Variants in THADA observed in about 807,000 individuals in gnomAD.
THADA encodes the protein tRNA (32-2'-O)-methyltransferase regulator THADA.
A neutral mutation model predicts 219.8 loss-of-function variants in THADA; 213 were observed. That is an observed-to-expected ratio of 0.97 (90% CI 0.87 to 1.09). The LOEUF is 1.09. Among genes scored for constraint, THADA ranks in the 50% least tolerant of loss-of-function variants. The pLI is 0.00. For synonymous variants in THADA, 1,018 were observed against 828.9 expected (o/e 1.23, Z -3.92); for missense variants, 2,956 against 2,311.3 (o/e 1.28, Z -5.72).
intron 26 of THADA, among the ~76,000 whole-genome samples, chr2:43,434,946 G>A (rs1558756659): frequency 6.6e-6 from 1 of 152,078 alleles, no homozygotes; most frequent in African/African-American, 2.4e-5. Flanking sequence ...TTCACCCCTC[G>A]ACACTGCTGT....
chr2:43,475,131 AGACGGCTG>A (rs1685356915), intron 26 of THADA, among the ~76,000 whole-genome samples: 1 of 152,100 alleles, frequency 6.6e-6, no homozygotes, highest in Non-Finnish European at 1.5e-5. Flanking sequence ...AAATTTAGAA[AGACGGCTG>A]GGCATGGTGG....
intron 31 of THADA, among the ~76,000 whole-genome samples, chr2:43,302,819 A>G: frequency 6.6e-6 from 1 of 152,190 alleles, no homozygotes; most frequent in East Asian, 1.9e-4. Context: ...TGGGAGGCTG[A>G]GGCAGGAGGA....
chr2:43,368,086 C>A (rs922269385), intron 29 of THADA, among the ~76,000 whole-genome samples: 6 of 152,168 alleles, frequency 3.9e-5, no homozygotes. Flanking sequence ...CCATTGCACT[C>A]CAGCCTGGGC....
chr2:43,571,653 G>A (rs11884742), intron 13 of THADA, 54 bp downstream of exon 13: 472,260 of 1,548,206 alleles, frequency 0.31, 73,457 homozygotes, highest in South Asian at 0.4. Context: ...TTTTAAAAAC[G>A]ATTTCCCAAA....
chr2:43,477,306 A>C (rs1224824793), intron 26 of THADA, among the ~76,000 whole-genome samples: 1 of 152,096 alleles, frequency 6.6e-6, no homozygotes, highest in African/African-American at 2.4e-5. Context: ...AATTTAGGGA[A>C]ATGCTCATAC....
chr2:43,514,694 T>TA lies in THADA; in HGVS notation c.3375-5915dup, dbSNP rs1360168268. On this transcript the variant is annotated intron_variant, in intron 22 of 37. Coordinates refer to ENST00000405975, the MANE Select transcript of THADA (RefSeq NM_022065.5). ...ATATAATATATTATATTATATATAA[T>TA]ATATATAATATATATATAAATATAT... 2.4e-3 allele frequency among the ~76,000 whole-genome samples: 173 copies of TA among 71,592 alleles called. 28 individuals carry two copies. The highest frequency in any genetic ancestry group is 9.6e-3 in the African/African-American group (147 of 15,340). The allele number at this position is 71,592 out of a possible 152,430, so 47.0% of individuals were successfully genotyped here.
At chr2:43,452,904 C>G (rs1194310898) in intron 26 of THADA, among the ~76,000 whole-genome samples, 1 of 152,160 alleles carries the variant, frequency 6.6e-6, no homozygotes, top group African/African-American at 2.4e-5. Flanking sequence ...ACTAGAATAT[C>G]CCTTACTACC....
intron 26 of THADA, among the ~76,000 whole-genome samples, chr2:43,464,114 G>C (rs1033946316): frequency 2.0e-5 from 3 of 152,054 alleles, no homozygotes; most frequent in South Asian, 2.1e-4. Context: ...ATCCACTTTT[G>C]TATGCAACAG....
chr2:43,476,803 G>C (rs565650648), intron 26 of THADA, among the ~76,000 whole-genome samples: 34 of 152,182 alleles, frequency 2.2e-4, no homozygotes, highest in Non-Finnish European at 3.7e-4. Flanking sequence ...CTGTATTATA[G>C]GCACTATCTT....
At chr2:43,312,902 C>T (rs1677672791) in intron 31 of THADA, among the ~76,000 whole-genome samples, 2 of 151,820 alleles carry the variant, frequency 1.3e-5, no homozygotes, top group Non-Finnish European at 2.9e-5. Context: ...AGTGCATGAC[C>T]GAGGAACAGA....
At position 43,556,423 on chromosome 2, in the gene THADA, A is replaced by G. The variant is rs373036685; in HGVS notation, c.2596T>C (p.Ser866Pro). The G allele has an allele frequency of 1.0e-4, 167 of 1,613,902 alleles. No individual in the cohort carries two copies. The African/African-American group carries it at 2.1e-3, about 20-fold the overall frequency. ...IWQDALPSSL[S>P]AYLTQQVACD... ...GCAACTTGCTGAGTTAAGTAGGCAG[A>G]CAAGGATGACGGTAGAGCATCCTGC... The change falls in exon 17 of 38, where the codon TCT (serine) becomes CCT (proline). Residue 866 changes from serine (S) to proline (P), a missense_variant. Physicochemically the swap from Ser to Pro is moderately conservative, Grantham distance 74 (BLOSUM62 -1). Transcript: ENST00000405975.
chr2:43,383,367 G>T (rs149779803), intron 29 of THADA, among the ~76,000 whole-genome samples: 64 of 152,210 alleles, frequency 4.2e-4, no homozygotes, highest in African/African-American at 1.4e-3. Context: ...AAAGAATTAC[G>T]TGACAGCTAG....
intron 15 of THADA, among the ~76,000 whole-genome samples, chr2:43,561,498 T>C (rs958930283): frequency 2.0e-5 from 3 of 152,194 alleles, no homozygotes; most frequent in Admixed American, 6.5e-5. Context: ...ACAGGTTTCA[T>C]GGCAAAATGT....
At chr2:43,574,311 TA>T in intron 11 of THADA, 24 bp downstream of exon 11, 1 of 1,476,796 alleles carries the variant, frequency 6.8e-7, no homozygotes, top group Non-Finnish European at 9.0e-7. Flanking sequence ...TAGAAACTAC[TA>T]AAACAAAAAT....
At chr2:43,272,665 C>G (rs536123426) in intron 36 of THADA, among the ~76,000 whole-genome samples, 75 of 145,736 alleles carry the variant, frequency 5.1e-4, no homozygotes, top group African/African-American at 1.8e-3. Flanking sequence ...CACTCTGTCA[C>G]CTAGGCTGGA....
In THADA at chr2:43,570,414, G is replaced by A; in HGVS notation, c.2161C>T (p.Pro721Ser). 6.2e-7 allele frequency: 1 copy of A among 1,612,810 alleles called. No homozygotes were observed. The highest frequency in any genetic ancestry group is 1.1e-5 in the South Asian group (1 of 90,836). ...TTATACTGCTGTAAAGAAACAGAAG[G>A]GTGCTGTTTGGTTAACTCATTCTCT... ...EPENELTKQH[P>S]SVSLQQYKNF... Residue 721 changes from proline to serine, a missense_variant, in exon 14 of 38, where the codon CCT becomes TCT. Transcript: ENST00000405975.
At chr2:43,360,252 C>T (rs1331699697) in intron 29 of THADA, among the ~76,000 whole-genome samples, 3 of 152,130 alleles carry the variant, frequency 2.0e-5, no homozygotes, top group African/African-American at 7.2e-5. Flanking sequence ...TTTATGTAAA[C>T]CATGTCGTTT....
At chr2:43,353,157 T>C (rs1327304080) in intron 29 of THADA, among the ~76,000 whole-genome samples, 4 of 152,230 alleles carry the variant, frequency 2.6e-5, no homozygotes, top group African/African-American at 4.8e-5. Flanking sequence ...CATTTATGGA[T>C]ACCCAGGTTA....
intron 36 of THADA, among the ~76,000 whole-genome samples, chr2:43,248,387 G>A (rs1311729384): frequency 1.3e-5 from 2 of 151,766 alleles, no homozygotes; most frequent in African/African-American, 4.8e-5. Context: ...GCACCACCAT[G>A]CCTGGCTAAT....
Sources: gnomAD v4.1 joint callset for allele counts (sites outside exome capture counted in the v4.1 genomes callset) on GRCh38, gnomAD v4.1.1 for gene constraint, MANE v1.5 for transcripts, NCBI Gene and HGNC (gene_info 2026-07-23, HGNC 2026-07-21) for gene names.